The following FHIT variants were observed in gnomAD, a reference collection of about 807,000 sequenced individuals.
The protein encoded by FHIT is bis(5'-adenosyl)-triphosphatase.
In FHIT, 19 loss-of-function variants were observed where a neutral mutation model predicts 17.9. The observed-to-expected ratio is 1.06, with a 90% CI of 0.74 to 1.56. The LOEUF is 1.56. Ranked by LOEUF, FHIT falls within the 40% of genes most tolerant of loss-of-function variation. The probability of loss-of-function intolerance (pLI) is 0.00; values close to 1 mark genes in which losing one functional copy is unlikely to be tolerated. For synonymous variants in FHIT, 81 were observed against 69.7 expected (o/e 1.16, Z -0.81); for missense variants, 248 against 189.2 (o/e 1.31, Z -1.82).
chr3:60,827,423 T>C (rs1702163314), intron 3 of FHIT, among the ~76,000 whole-genome samples: 1 of 152,168 alleles, frequency 6.6e-6, no homozygotes, highest in South Asian at 2.1e-4. Context: ...ATCCTAAAAA[T>C]GGGATTTGGA....
At chr3:60,343,276 A>T (rs895065159) in intron 5 of FHIT, among the ~76,000 whole-genome samples, 1 of 152,136 alleles carries the variant, frequency 6.6e-6, no homozygotes, top group Non-Finnish European at 1.5e-5. Flanking sequence ...CTGCAAGTGT[A>T]GGGAATGGGG....
intron 7 of FHIT, among the ~76,000 whole-genome samples, chr3:59,977,394 A>T (rs911485073): frequency 5.3e-5 from 8 of 152,166 alleles, no homozygotes; most frequent in African/African-American, 1.9e-4. Context: ...AAAAGTAGGC[A>T]TCCCTGAAGC....
chr3:60,362,878 C>G (rs953587676), intron 5 of FHIT, among the ~76,000 whole-genome samples: 1 of 152,092 alleles, frequency 6.6e-6, no homozygotes, highest in African/African-American at 2.4e-5. Flanking sequence ...CAAAAAGGCC[C>G]GTGTCAGAGA....
intron 5 of FHIT, among the ~76,000 whole-genome samples, chr3:60,037,783 G>A (rs1378815951): frequency 2.6e-5 from 4 of 151,208 alleles, no homozygotes; most frequent in Non-Finnish European, 5.9e-5. Context: ...ACATGATCTC[G>A]GCTCACTGCA....
chr3:60,949,306 T>C lies in FHIT; in HGVS notation c.-111+92741A>G, dbSNP rs551394394. ...CAAACTTCTTTGCAATCTCTGCTTT[T>C]AGCTAGCGTGGATGCCAGCCTTTCA... On this transcript the variant is annotated intron_variant, in intron 3 of 9. Coordinates refer to ENST00000492590, the MANE Select transcript of FHIT (RefSeq NM_002012.4). 9.9e-4 allele frequency among the ~76,000 whole-genome samples: 151 copies of C among 152,322 alleles called. 1 individual carries two copies. Among genetic ancestry groups the C allele is most frequent in the Non-Finnish European group, 1.7e-3 (115 of 68,026 alleles).
chr3:60,240,730 T>G (rs1295495063), intron 5 of FHIT, among the ~76,000 whole-genome samples: 2 of 152,156 alleles, frequency 1.3e-5, no homozygotes, highest in Non-Finnish European at 2.9e-5. Flanking sequence ...CTGCACTCCT[T>G]TGTTTGTGGA....
chr3:60,318,146 G>A (rs1319833181), intron 5 of FHIT, among the ~76,000 whole-genome samples: 6 of 151,946 alleles, frequency 3.9e-5, no homozygotes, highest in Non-Finnish European at 8.8e-5. Flanking sequence ...ACACATCATG[G>A]TATAATGCAG....
intron 7 of FHIT, among the ~76,000 whole-genome samples, chr3:59,998,560 T>C (rs3772506): frequency 0.13 from 19,683 of 152,048 alleles, 1,527 homozygotes; most frequent in South Asian, 0.24. Flanking sequence ...AATGAATGCT[T>C]CGGGTAATTT....
chr3:60,032,725 T>C (rs1404341612), intron 5 of FHIT, among the ~76,000 whole-genome samples: 1 of 152,216 alleles, frequency 6.6e-6, no homozygotes, highest in East Asian at 1.9e-4. Context: ...TGCTTATATC[T>C]GAAAATAATC....
chr3:60,603,384 T>C (rs1280166677), intron 4 of FHIT, among the ~76,000 whole-genome samples: 1 of 152,204 alleles, frequency 6.6e-6, no homozygotes, highest in Non-Finnish European at 1.5e-5. Context: ...TTATGATCTC[T>C]GAATTATTCT....
chr3:60,327,959 G>A (rs1314658576), intron 5 of FHIT, among the ~76,000 whole-genome samples: 1 of 152,148 alleles, frequency 6.6e-6, no homozygotes, highest in Non-Finnish European at 1.5e-5. Context: ...GCAAGGGGAG[G>A]CCACAGTGAT....
chr3:60,917,260 C>T (rs905791687), intron 3 of FHIT, among the ~76,000 whole-genome samples: 3 of 152,120 alleles, frequency 2.0e-5, no homozygotes, highest in African/African-American at 7.2e-5. Flanking sequence ...CAAAATTTAT[C>T]CCTAATCTGT....
At chr3:60,163,358 C>G (rs1321409810) in intron 5 of FHIT, among the ~76,000 whole-genome samples, 4 of 152,150 alleles carry the variant, frequency 2.6e-5, no homozygotes, top group Admixed American at 2.6e-4. Context: ...ACTCCCCTTA[C>G]ATCTCACCTA....
intron 3 of FHIT, among the ~76,000 whole-genome samples, chr3:60,968,701 G>T (rs58211229): frequency 0.039 from 5,943 of 152,162 alleles, 370 homozygotes; most frequent in African/African-American, 0.14. Context: ...CGCCCTGCCC[G>T]GCCCCTGCTG....
At chr3:60,634,357 A>G (rs1553683234) in intron 4 of FHIT, among the ~76,000 whole-genome samples, 1 of 152,228 alleles carries the variant, frequency 6.6e-6, no homozygotes, top group Non-Finnish European at 1.5e-5. Flanking sequence ...ATTCACCGCT[A>G]CATAAATTAG....
At chr3:60,521,144 C>G (rs975275826) in intron 5 of FHIT, among the ~76,000 whole-genome samples, 3 of 151,972 alleles carry the variant, frequency 2.0e-5, no homozygotes, top group Non-Finnish European at 2.9e-5. Flanking sequence ...ATTTAAGCTT[C>G]AGTTTTACAA....
intron 7 of FHIT, among the ~76,000 whole-genome samples, chr3:59,978,260 T>C (rs976642123): frequency 6.6e-6 from 1 of 152,090 alleles, no homozygotes; most frequent in Non-Finnish European, 1.5e-5. Flanking sequence ...AAGTTTGTGG[T>C]CTTGGCCAGC....
chr3:60,702,831 T>G (rs2107913637), intron 4 of FHIT, among the ~76,000 whole-genome samples: 1 of 152,308 alleles, frequency 6.6e-6, no homozygotes, highest in South Asian at 2.1e-4. Flanking sequence ...CTGTTTAATG[T>G]AATGTTTGAT....
At chr3:60,482,424 A>T (rs1250531856) in intron 5 of FHIT, among the ~76,000 whole-genome samples, 1 of 152,156 alleles carries the variant, frequency 6.6e-6, no homozygotes, top group Non-Finnish European at 1.5e-5. Context: ...CGACCACATA[A>T]TTTGAAGTAA....
Sources: allele counts gnomAD v4.1 joint callset (sites outside exome capture counted in the v4.1 genomes callset), GRCh38; gene constraint gnomAD v4.1.1; transcripts MANE v1.5; gene names NCBI Gene and HGNC (gene_info 2026-07-23, HGNC 2026-07-21).